The following DPP10 variants were observed in gnomAD, a reference collection of about 807,000 sequenced individuals.
DPP10 encodes dipeptidyl peptidase like 10.
DPP10 carries 33 observed loss-of-function variants against 120.9 expected under a neutral mutation model. That is an observed-to-expected ratio of 0.27 (90% CI 0.21 to 0.37). DPP10 has a LOEUF of 0.37. Among genes scored for constraint, DPP10 ranks in the 10% least tolerant of loss-of-function variants. DPP10 has a pLI of 1.00. For missense variants in DPP10, 816 were observed against 942.8 expected, an observed-to-expected ratio of 0.87 and a Z score of 1.76; for synonymous variants, 337 against 326.1, an observed-to-expected ratio of 1.03 and a Z score of -0.36.
At chr2:114,740,088 C>CA (rs1677873993) in intron 1 of DPP10, among the ~76,000 whole-genome samples, 1 of 151,220 alleles carries the variant, frequency 6.6e-6, no homozygotes, top group South Asian at 2.1e-4. Flanking sequence ...TTCACAATAG[C>CA]AAAGACTTGG....
intron 5 of DPP10, among the ~76,000 whole-genome samples, chr2:115,531,149 T>TA: frequency 8.4e-6 from 1 of 118,932 alleles, no homozygotes; most frequent in East Asian, 2.5e-4. Context: ...CAAGATTGAG[T>TA]TTTTTTTTTT....
chr2:114,728,299 ATTC>A (rs1197721241), intron 1 of DPP10, among the ~76,000 whole-genome samples: 1 of 152,174 alleles, frequency 6.6e-6, no homozygotes, highest in Admixed American at 6.5e-5. Context: ...TGCCCTGCTT[ATTC>A]TTCTAACCTG....
At chr2:115,048,135 G>A (rs1003340149) in intron 1 of DPP10, among the ~76,000 whole-genome samples, 8 of 152,042 alleles carry the variant, frequency 5.3e-5, no homozygotes, top group East Asian at 3.8e-4. Flanking sequence ...ACAGTGCCAC[G>A]GTCAACAGCG....
intron 1 of DPP10, among the ~76,000 whole-genome samples, chr2:115,208,970 G>C (rs1043111887): frequency 1.3e-5 from 2 of 152,128 alleles, no homozygotes; most frequent in Non-Finnish European, 2.9e-5. Flanking sequence ...AATTGGCTTT[G>C]TGTGTAGACA....
intron 1 of DPP10, among the ~76,000 whole-genome samples, chr2:114,954,316 C>T (rs1226890461): frequency 2.0e-5 from 3 of 151,894 alleles, no homozygotes; most frequent in African/African-American, 7.3e-5. Flanking sequence ...ATCTCCTGAC[C>T]TCATGATCCA....
intron 3 of DPP10, among the ~76,000 whole-genome samples, chr2:115,387,181 G>A (rs2067003600): frequency 6.6e-6 from 1 of 152,078 alleles, no homozygotes; most frequent in East Asian, 1.9e-4. Flanking sequence ...CCCTTCACCT[G>A]TGTTTTTCAG....
intron 1 of DPP10, among the ~76,000 whole-genome samples, chr2:115,097,468 A>G (rs2048460842): frequency 1.3e-5 from 2 of 152,230 alleles, no homozygotes; most frequent in Admixed American, 6.5e-5. Flanking sequence ...CATGACTGTG[A>G]TTGGCTAGTT....
chr2:115,172,731 T>G (rs1165186081), intron 1 of DPP10, among the ~76,000 whole-genome samples: 1 of 152,150 alleles, frequency 6.6e-6, no homozygotes, highest in African/African-American at 2.4e-5. Context: ...TGCTGAAAAA[T>G]GGTGGTGCTT....
chr2:115,081,543 T>C (rs1455733153), intron 1 of DPP10, among the ~76,000 whole-genome samples: 2 of 152,202 alleles, frequency 1.3e-5, no homozygotes, highest in African/African-American at 4.8e-5. Context: ...CACCTTTCAG[T>C]GTAGTTGTTT....
intron 1 of DPP10, among the ~76,000 whole-genome samples, chr2:115,106,339 A>G (rs1461955821): frequency 6.6e-6 from 1 of 152,236 alleles, no homozygotes; most frequent in East Asian, 1.9e-4. Context: ...CTTGGCATCC[A>G]ATGCAAGGAC....
At chr2:114,610,079 A>G (rs1693159389) in intron 1 of DPP10, among the ~76,000 whole-genome samples, 1 of 152,192 alleles carries the variant, frequency 6.6e-6, no homozygotes, top group Non-Finnish European at 1.5e-5. Flanking sequence ...ATTTCACGGG[A>G]ACAACACTTC....
chr2:115,600,982 G>T (rs2083287675), intron 5 of DPP10, among the ~76,000 whole-genome samples: 1 of 152,140 alleles, frequency 6.6e-6, no homozygotes, highest in South Asian at 2.1e-4. Context: ...TAGAGTTAAT[G>T]CCTTGAAAAT....
intron 1 of DPP10, among the ~76,000 whole-genome samples, chr2:115,235,539 GT>G (rs776576924): frequency 2.0e-5 from 3 of 151,362 alleles, no homozygotes; most frequent in East Asian, 1.9e-4. Context: ...AAAGTTGACA[GT>G]TTTTTTTTGT....
intron 3 of DPP10, among the ~76,000 whole-genome samples, chr2:115,462,997 T>C (rs930388031): frequency 1.3e-5 from 2 of 152,208 alleles, no homozygotes; most frequent in African/African-American, 2.4e-5. Flanking sequence ...CCGAAAGTGC[T>C]GGGATTAAAG....
At chr2:114,480,701 C>G (rs1317542482) in intron 1 of DPP10, among the ~76,000 whole-genome samples, 5 of 102,254 alleles carry the variant, frequency 4.9e-5, no homozygotes, top group African/African-American at 1.6e-4. Context: ...ACACCGGGGA[C>G]TGTTGTGGGG....
chr2:115,733,489 C>G (rs1457540379), intron 8 of DPP10, among the ~76,000 whole-genome samples: 1 of 150,856 alleles, frequency 6.6e-6, no homozygotes, highest in Admixed American at 6.6e-5. Context: ...TTGGTGGGGC[C>G]AAATCCAAGA....
At chr2:115,326,689 A>ATG (rs1427947838) in intron 2 of DPP10, among the ~76,000 whole-genome samples, 1 of 151,942 alleles carries the variant, frequency 6.6e-6, no homozygotes, top group Non-Finnish European at 1.5e-5. Flanking sequence ...CTAGGCTAAT[A>ATG]TGTGTGTGTT....
At chr2:115,087,181 G>C (rs1014643114) in intron 1 of DPP10, among the ~76,000 whole-genome samples, 2 of 152,132 alleles carry the variant, frequency 1.3e-5, no homozygotes, top group African/African-American at 4.8e-5. Context: ...ATCCATAATG[G>C]TATTTTTAAA....
chr2:114,897,736 C>G (rs186970451), intron 1 of DPP10, among the ~76,000 whole-genome samples: 1 of 152,306 alleles, frequency 6.6e-6, no homozygotes, highest in African/African-American at 2.4e-5. Flanking sequence ...AGCCAAAAAA[C>G]ACATGACAAA....
Sources: gnomAD v4.1 joint callset for allele counts (sites outside exome capture counted in the v4.1 genomes callset) on GRCh38, gnomAD v4.1.1 for gene constraint, MANE v1.5 for transcripts, NCBI Gene and HGNC (gene_info 2026-07-23, HGNC 2026-07-21) for gene names.